ACSM3: variants seen among roughly 807,000 people sequenced by gnomAD.
ACSM3 encodes acyl-coenzyme A synthetase ACSM3, mitochondrial.
Under a neutral mutation model 74.1 loss-of-function variants are expected in ACSM3, and 61 were observed. The ratio of observed to expected loss-of-function variants is 0.82; its 90% CI spans 0.67 to 1.02. The LOEUF is 1.02. ACSM3 is among the 50% of genes least tolerant of loss of function. The pLI, the probability that ACSM3 is intolerant of heterozygous loss-of-function variation, is 0.00. For synonymous variants in ACSM3, 213 were observed against 241.5 expected, an observed-to-expected ratio of 0.88 and a Z score of 1.09; for missense variants, 660 against 697.0, an observed-to-expected ratio of 0.95 and a Z score of 0.60.
At chr16:20,734,330 A>G (rs1460272800) in intron 1 of ACSM3, 1 of 152,564 alleles carries the variant, frequency 6.6e-6, no homozygotes, top group Non-Finnish European at 1.5e-5. Flanking sequence ...TATCCTCCCT[A>G]TTCCCCTAAC....
At chr16:20,712,190 C>T (rs923617157) in intron 1 of ACSM3, among the ~76,000 whole-genome samples, 1 of 152,152 alleles carries the variant, frequency 6.6e-6, no homozygotes, top group African/African-American at 2.4e-5. Flanking sequence ...TACTGGAATG[C>T]ATCCACACTC....
intron 2 of ACSM3, among the ~76,000 whole-genome samples, chr16:20,752,721 A>G: frequency 6.6e-6 from 1 of 152,328 alleles, no homozygotes; most frequent in African/African-American, 2.4e-5. Context: ...GAAATAATAG[A>G]TATAGATAAC....
intron 2 of ACSM3, 34 bp from the exon 3 acceptor site, chr16:20,775,805 C>T (rs1330570251): frequency 1.9e-6 from 3 of 1,608,036 alleles, no homozygotes; most frequent in African/African-American, 1.3e-5. Context: ...TGTATAACAA[C>T]CTTTAAATCA....
At chr16:20,739,086 C>T in intron 1 of ACSM3, 1 of 1,613,728 alleles carries the variant, frequency 6.2e-7, no homozygotes, top group East Asian at 2.2e-5. Context: ...TTGCATAAAA[C>T]TAATGAGCAG....
At chr16:20,705,709 A>G (rs931736045) in intron 1 of ACSM3, among the ~76,000 whole-genome samples, 1 of 152,202 alleles carries the variant, frequency 6.6e-6, no homozygotes, top group Non-Finnish European at 1.5e-5. Context: ...CTAGATACAC[A>G]AAGACACAGG....
chr16:20,796,430 A>T lies in ACSM3; in HGVS notation c.1615A>T (p.Ile539Leu). The change falls in exon 13 of 14, where the codon ATA becomes TTA. Residue 539 changes from isoleucine (I) to leucine (L), a missense_variant. Physicochemically the swap from Ile to Leu is conservative, Grantham distance 5. Transcript: ENST00000289416. The part of the protein sequence containing the change: ...DYKSHDQEQL[I>L]KEIQEHVKKT... ...CAAGTCACATGATCAAGAACAACTAATAAAGGAGATTCAGGAGCATGTTAA... is the reference window on the plus strand; with the variant it reads ...CAAGTCACATGATCAAGAACAACTATTAAAGGAGATTCAGGAGCATGTTAA... 6.2e-7 allele frequency: 1 copy of T among 1,613,962 alleles called. No homozygotes were observed. Among genetic ancestry groups the T allele is most frequent in the Non-Finnish European group, 8.5e-7 (1 of 1,179,950 alleles).
At chr16:20,757,543 A>T (rs922624213) in intron 3 of ACSM3, among the ~76,000 whole-genome samples, 1,634 of 151,264 alleles carry the variant, frequency 0.011, 11 homozygotes, top group Middle Eastern at 0.031. Flanking sequence ...GGGCTGAGAC[A>T]GTGGGGTTTT....
chr16:20,752,978 G>A lies in ACSM3; in HGVS notation c.-95-2595G>A, dbSNP rs550524091. 9.9e-5 allele frequency among the ~76,000 whole-genome samples: 15 copies of A among 152,226 alleles called. No homozygotes were observed. In the South Asian group the frequency reaches 2.9e-3, roughly 29 times the overall value. On this transcript the variant is annotated intron_variant, in intron 2 of 3. Transcript: ENST00000561584. ...TGTTAAACTCAACCACATTGAATTA[G>A]CAAAATCAACACTGAATTTGGGAAA...
At position 20,740,626 on chromosome 16, in the gene ACSM3, C is replaced by G. The variant is rs551886760; in HGVS notation, c.-189-9284C>G. 2.6e-5 allele frequency among the ~76,000 whole-genome samples: 4 copies of G among 152,266 alleles called. No homozygotes were observed. In the South Asian group the frequency reaches 8.3e-4, roughly 32 times the overall value. On this transcript the variant is annotated intron_variant, in intron 1 of 3. Transcript: ENST00000561584. Reference sequence around the variant, plus strand: ...TAGCTCAGCAGCATCAAATAATGTGCCCATGTCCGAGTCCCCAAGCTAGTA... The same window carrying G: ...TAGCTCAGCAGCATCAAATAATGTGGCCATGTCCGAGTCCCCAAGCTAGTA...
At chr16:20,721,164 C>T (rs984870487) in intron 1 of ACSM3, 1 of 152,254 alleles carries the variant, frequency 6.6e-6, no homozygotes, top group Admixed American at 6.5e-5. Context: ...GATTGCCGAT[C>T]ACAAGGGAGG....
chr16:20,770,317 C>T, intron 2 of ACSM3, 64 bp downstream of exon 2: 2 of 1,356,240 alleles, frequency 1.5e-6, no homozygotes, highest in Non-Finnish European at 2.1e-6. Flanking sequence ...CCCTAGGTAA[C>T]ATCTCTAATG....
intron 12 of ACSM3, among the ~76,000 whole-genome samples, chr16:20,794,567 C>G (rs1180432053): frequency 2.0e-5 from 3 of 152,176 alleles, no homozygotes; most frequent in Non-Finnish European, 4.4e-5. Flanking sequence ...AGACTTTTCT[C>G]AGAAAAATAC....
intron 3 of ACSM3, among the ~76,000 whole-genome samples, chr16:20,758,681 G>A (rs1170579300): frequency 2.0e-5 from 3 of 151,840 alleles, no homozygotes; most frequent in Admixed American, 6.6e-5. Flanking sequence ...GCTTTTGAAT[G>A]TGTTTGCTCT....
At chr16:20,796,208 C>A in intron 12 of ACSM3, 162 bp from the exon 13 acceptor site, 1 of 1,247,758 alleles carries the variant, frequency 8.0e-7, no homozygotes, top group South Asian at 1.6e-5. Flanking sequence ...AGGTACAGAC[C>A]AGGAAGTGGC....
rs1240889795 is a variant in ACSM3, at chr16:20,775,899, C to T, written c.280C>T (p.Arg94Ter). 40 of 1,613,968 alleles carry T rather than the reference C, an allele frequency of 2.5e-5. No individual in the cohort carries two copies. Among genetic ancestry groups the T allele is most frequent in the African/African-American group, 6.7e-5 (5 of 74,882 alleles). The change falls in exon 3 of 14, where the codon CGA becomes TGA. Residue 94 changes from arginine to a stop codon, truncating the protein, a stop_gained. Coordinates refer to ENST00000289416, the MANE Select transcript of ACSM3 (RefSeq NM_005622.4). LOFTEE classifies it high-confidence loss of function. ...WWINRNGEEM[R>*]WSFEELGSLS... ...GATCAACAGAAATGGAGAAGAGATG[C>T]GATGGAGTTTTGAGGAACTGGGATC...
At chr16:20,712,605 T>TA (rs138126859) in intron 1 of ACSM3, among the ~76,000 whole-genome samples, 4,475 of 149,872 alleles carry the variant, frequency 0.03, 227 homozygotes, top group African/African-American at 0.1. Flanking sequence ...AGCTTATGTT[T>TA]AAAAAAAAAA....
At chr16:20,691,186 C>T (rs749929497) in intron 1 of ACSM3, 2 of 1,575,756 alleles carry the variant, frequency 1.3e-6, no homozygotes, top group East Asian at 4.6e-5. Flanking sequence ...TTAGCCACTG[C>T]ATGGTGAAAC....
intron 1 of ACSM3, among the ~76,000 whole-genome samples, chr16:20,683,715 C>CTTTCTTTCTT (rs139237980): frequency 1.5e-5 from 2 of 136,310 alleles, no homozygotes; most frequent in Non-Finnish European, 1.5e-5. Context: ...CTCTCTCTCT[C>CTTTCTTTCTT]TCTTTCTTTC....
chr16:20,679,950 T>C (rs1489317768), intron 1 of ACSM3: 1 of 152,140 alleles, frequency 6.6e-6, no homozygotes, highest in South Asian at 2.1e-4. Flanking sequence ...CTATGCTGCA[T>C]ATGTTCACAA....
Sources: allele counts gnomAD v4.1 joint callset (sites outside exome capture counted in the v4.1 genomes callset), GRCh38; gene constraint gnomAD v4.1.1; transcripts MANE v1.5; gene names NCBI Gene and HGNC (gene_info 2026-07-23, HGNC 2026-07-21).